Variants in MYO9A observed in about 807,000 individuals in gnomAD.
The protein encoded by MYO9A is myosin IXA.
A neutral mutation model predicts 293.3 loss-of-function variants in MYO9A; 103 were observed. The observed-to-expected ratio is 0.35, with a 90% CI of 0.30 to 0.41. The LOEUF (loss-of-function observed/expected upper bound fraction) is 0.41, where lower values mean the gene tolerates loss of function less well. Ranked by LOEUF, MYO9A falls within the 10% of genes least tolerant of loss-of-function variation. The pLI, the probability that MYO9A is intolerant of heterozygous loss-of-function variation, is 1.00. For missense variants in MYO9A, 2,685 were observed against 3,033.0 expected (o/e 0.89, Z 2.69); for synonymous variants, 1,001 against 1,035.7 (o/e 0.97, Z 0.64).
chr15:71,895,287 A>G (rs1363473885), intron 25 of MYO9A, among the ~76,000 whole-genome samples: 1 of 152,236 alleles, frequency 6.6e-6, no homozygotes, highest in Non-Finnish European at 1.5e-5. Flanking sequence ...TAGGATCTTG[A>G]TAGTACTTGA....
rs1567169293 is a variant in MYO9A at position 71,825,738 on chromosome 15, G to C, written c.*842C>G. 6.6e-6 allele frequency: 1 copy of C among 152,120 alleles called. No homozygotes were observed. Among genetic ancestry groups the C allele is most frequent in the Non-Finnish European group, 1.5e-5 (1 of 68,028 alleles). The allele number at this position is 152,120 out of a possible 1,614,324, so 9.4% of individuals were successfully genotyped here. A position where few individuals can be genotyped will look rare whatever the true frequency, so the allele number is the denominator to read the frequency against. Reference sequence around the variant, plus strand: ...AGGATGAAACCTTCATAAGTTTAGGGATCACCATGTCTCTGGGAAACTAAA... The same window carrying C: ...AGGATGAAACCTTCATAAGTTTAGGCATCACCATGTCTCTGGGAAACTAAA... On this transcript the variant is annotated 3_prime_UTR_variant, in exon 42 of 42. Transcript: ENST00000356056.
At position 72,018,610 on chromosome 15, in the gene MYO9A, T is replaced by C. The variant is rs544711741; in HGVS notation, c.1155+429A>G. On this transcript the variant is annotated intron_variant, in intron 6 of 41. Transcript: ENST00000356056. The stretch of plus-strand genomic sequence containing the variant: ...TCATTATGTGTAAAGACTGTTGATA[T>C]ATAAAACATAAAGAATGCAATTTTT... 3.9e-5 allele frequency among the ~76,000 whole-genome samples: 6 copies of C among 152,300 alleles called. No individual in the cohort carries two copies. In the South Asian group the frequency reaches 1.0e-3, roughly 26 times the overall value.
intron 1 of MYO9A, among the ~76,000 whole-genome samples, chr15:72,076,304 C>CAAA (rs34369419): frequency 1.2e-5 from 1 of 81,606 alleles, no homozygotes; most frequent in African/African-American, 4.7e-5. Context: ...GACTCTGTCT[C>CAAA]AAAAAAAAAA....
chr15:71,855,029 A>G (rs2055808630), intron 34 of MYO9A, among the ~76,000 whole-genome samples: 1 of 152,256 alleles, frequency 6.6e-6, no homozygotes, highest in African/African-American at 2.4e-5. Flanking sequence ...AAATGATTTC[A>G]TAATTAAAGG....
chr15:72,090,611 T>C (rs1050257665), intron 1 of MYO9A, among the ~76,000 whole-genome samples: 3 of 152,202 alleles, frequency 2.0e-5, no homozygotes, highest in African/African-American at 7.2e-5. Flanking sequence ...AGTATAGAAA[T>C]GTTAAACATA....
At chr15:72,069,554 A>G (rs1288875277) in intron 1 of MYO9A, among the ~76,000 whole-genome samples, 2 of 152,230 alleles carry the variant, frequency 1.3e-5, no homozygotes, top group East Asian at 1.9e-4. Flanking sequence ...CAAGATCTCT[A>G]GATAAGAGAT....
intron 32 of MYO9A, among the ~76,000 whole-genome samples, chr15:71,867,497 A>T (rs2141966549): frequency 6.6e-6 from 1 of 152,218 alleles, no homozygotes; most frequent in South Asian, 2.1e-4. Context: ...TATCACAGAC[A>T]AAGGGTAATC....
chr15:71,953,282 C>G (rs1175078475), intron 14 of MYO9A, among the ~76,000 whole-genome samples: 1 of 152,100 alleles, frequency 6.6e-6, no homozygotes, highest in Non-Finnish European at 1.5e-5. Flanking sequence ...AATGCTTAGG[C>G]CTTAAACTCC....
chr15:71,898,454 T>C lies in MYO9A; in HGVS notation c.4049A>G (p.Asp1350Gly). 6.2e-7 allele frequency: 1 copy of C among 1,614,022 alleles called. No homozygotes were observed. Reference sequence around the variant, plus strand: ...TGATGGAAACTGCAAGTCTCCTTCATCTGAAATGACAGACTCTAGTTTGCT... The same window carrying C: ...TGATGGAAACTGCAAGTCTCCTTCACCTGAAATGACAGACTCTAGTTTGCT... ...QKSKLESVISDEGDLQFPSPK... is the reference protein window; with the variant it reads ...QKSKLESVISGEGDLQFPSPK... Residue 1350 changes from aspartate to glycine, a missense_variant, in exon 25 of 42, where the codon GAT (aspartate) becomes GGT (glycine). Transcript: ENST00000356056.
At chr15:72,116,977 T>C (rs1265154947) in intron 1 of MYO9A, 1 of 152,070 alleles carries the variant, frequency 6.6e-6, no homozygotes, top group African/African-American at 2.4e-5. Context: ...GGGAATACAT[T>C]AGGCTAAGCA....
At chr15:72,004,732 T>C (rs1257837049) in intron 8 of MYO9A, among the ~76,000 whole-genome samples, 1 of 152,182 alleles carries the variant, frequency 6.6e-6, no homozygotes, top group Non-Finnish European at 1.5e-5. Context: ...CTGGAGCTTG[T>C]TCACCTTTCA....
At chr15:71,894,923 A>G (rs2057280789) in intron 25 of MYO9A, among the ~76,000 whole-genome samples, 1 of 152,224 alleles carries the variant, frequency 6.6e-6, no homozygotes. Flanking sequence ...TCTTACTTCC[A>G]AGGATAGTGC....
At chr15:72,042,465 C>G (rs185684195) in intron 2 of MYO9A, among the ~76,000 whole-genome samples, 22 of 151,934 alleles carry the variant, frequency 1.4e-4, no homozygotes, top group Non-Finnish European at 2.8e-4. Context: ...GACATCCATT[C>G]CTGAAAAAAA....
chr15:72,118,443 G>A (rs1394243701), upstream of MYO9A: 2 of 153,100 alleles, frequency 1.3e-5, no homozygotes. Flanking sequence ...AAGGCTGGTT[G>A]GGGTGGTGAG....
At chr15:71,978,395 T>A in intron 11 of MYO9A, 103 bp from the exon 12 acceptor site, 1 of 881,708 alleles carries the variant, frequency 1.1e-6, no homozygotes, top group Non-Finnish European at 1.7e-6. Context: ...TCTAAGATTT[T>A]AAAAATCACC....
At chr15:71,872,710 T>A (rs1270128976) in intron 32 of MYO9A, among the ~76,000 whole-genome samples, 1 of 152,200 alleles carries the variant, frequency 6.6e-6, no homozygotes, top group Non-Finnish European at 1.5e-5. Flanking sequence ...AGCTGTCTAG[T>A]TCCTCTTTAT....
chr15:71,926,716 C>T (rs1028772624), intron 18 of MYO9A, among the ~76,000 whole-genome samples: 5 of 152,174 alleles, frequency 3.3e-5, no homozygotes, highest in Admixed American at 2.6e-4. Flanking sequence ...AGCCGCCACA[C>T]AAGCTATCTT....
chr15:71,956,549 G>C (rs895780682), intron 14 of MYO9A, among the ~76,000 whole-genome samples: 4 of 149,972 alleles, frequency 2.7e-5, no homozygotes, highest in African/African-American at 9.7e-5. Context: ...GCGAGGCTGA[G>C]GCAAGAGAAT....
chr15:72,048,679 G>C (rs1263662962), intron 1 of MYO9A, among the ~76,000 whole-genome samples: 1 of 151,862 alleles, frequency 6.6e-6, no homozygotes, highest in African/African-American at 2.4e-5. Context: ...TTAATGTGTT[G>C]TTCTTTACAA....
Sources: allele counts gnomAD v4.1 joint callset (sites outside exome capture counted in the v4.1 genomes callset), GRCh38; gene constraint gnomAD v4.1.1; transcripts MANE v1.5; gene names NCBI Gene and HGNC (gene_info 2026-07-23, HGNC 2026-07-21).